Variants in BEND5 observed in about 807,000 individuals in gnomAD.
The protein encoded by BEND5 is BEN domain-containing protein 5.
Under a neutral mutation model 43.9 loss-of-function variants are expected in BEND5, and 22 were observed. The observed-to-expected ratio is 0.50, with a 90% confidence interval of 0.36 to 0.72. The LOEUF is 0.72. Ranked by LOEUF, BEND5 falls within the 30% of genes least tolerant of loss-of-function variation. The pLI is 0.00. For missense variants in BEND5, 428 were observed against 550.6 expected, an observed-to-expected ratio of 0.78 and a Z score of 2.23; for synonymous variants, 228 against 225.9, an observed-to-expected ratio of 1.01 and a Z score of -0.08.
intron 1 of BEND5, among the ~76,000 whole-genome samples, chr1:48,764,840 C>T (rs2148671888): frequency 6.6e-6 from 1 of 152,314 alleles, no homozygotes; most frequent in East Asian, 1.9e-4. Flanking sequence ...GACAAAGGTG[C>T]AGCGGATGAC....
intron 1 of BEND5, among the ~76,000 whole-genome samples, chr1:48,772,402 C>T (rs972706385): frequency 2.0e-5 from 3 of 152,200 alleles, no homozygotes; most frequent in African/African-American, 7.2e-5. Context: ...CTACCTTCCC[C>T]ACCTGTAGGT....
At chr1:48,741,666 C>G (rs1246517782) in intron 4 of BEND5, among the ~76,000 whole-genome samples, 3 of 152,194 alleles carry the variant, frequency 2.0e-5, no homozygotes, top group Non-Finnish European at 2.9e-5. Context: ...CATATCTGGA[C>G]AAACCCAAAT....
At chr1:48,776,285 A>C (rs1254766097) in intron 1 of BEND5, among the ~76,000 whole-genome samples, 1 of 152,254 alleles carries the variant, frequency 6.6e-6, no homozygotes, top group Non-Finnish European at 1.5e-5. Flanking sequence ...ACAGGTAGGG[A>C]GAAAAATGGA....
At chr1:48,734,368 T>A (rs1253711771) in intron 5 of BEND5, among the ~76,000 whole-genome samples, 1 of 152,122 alleles carries the variant, frequency 6.6e-6, no homozygotes, top group Admixed American at 6.5e-5. Context: ...CTTGGGCATA[T>A]TTCTCCACCT....
chr1:48,760,771 C>T (rs1165126118), intron 2 of BEND5, among the ~76,000 whole-genome samples: 1 of 152,124 alleles, frequency 6.6e-6, no homozygotes, highest in Non-Finnish European at 1.5e-5. Context: ...GTATCTACTG[C>T]ACAGAAAAAA....
chr1:48,750,603 A>C (rs1162145054), intron 3 of BEND5, among the ~76,000 whole-genome samples: 1 of 152,186 alleles, frequency 6.6e-6, no homozygotes, highest in African/African-American at 2.4e-5. Flanking sequence ...TAAGGTGGCA[A>C]GGGGGGCTTA....
intron 3 of BEND5, among the ~76,000 whole-genome samples, chr1:48,755,134 T>C (rs1040275291): frequency 2.6e-5 from 4 of 152,184 alleles, no homozygotes; most frequent in African/African-American, 9.7e-5. Flanking sequence ...CTTGCTGCTA[T>C]CCCCCACCCT....
chr1:48,752,105 A>C (rs989241150), intron 3 of BEND5, among the ~76,000 whole-genome samples: 1 of 152,208 alleles, frequency 6.6e-6, no homozygotes, highest in African/African-American at 2.4e-5. Context: ...ACCGGCAGGC[A>C]GACTGTGGGC....
intron 3 of BEND5, among the ~76,000 whole-genome samples, chr1:48,752,169 G>C (rs1651847766): frequency 6.6e-6 from 1 of 152,088 alleles, no homozygotes; most frequent in Admixed American, 6.5e-5. Flanking sequence ...AGACAAAATG[G>C]CTCTTGTCCA....
At chr1:48,749,558 C>A (rs1462351333) in intron 3 of BEND5, among the ~76,000 whole-genome samples, 3 of 152,198 alleles carry the variant, frequency 2.0e-5, no homozygotes, top group Admixed American at 6.5e-5. Flanking sequence ...TACCCCTCCT[C>A]AATGAACTGT....
At chr1:48,734,970 C>T (rs1648786705) in intron 5 of BEND5, among the ~76,000 whole-genome samples, 1 of 152,182 alleles carries the variant, frequency 6.6e-6, no homozygotes, top group East Asian at 1.9e-4. Context: ...CCTGCTGGCT[C>T]GGGTTCCTGG....
At chr1:48,735,672 AGAAAGGAAGCT>A (rs1648928682) in intron 5 of BEND5, among the ~76,000 whole-genome samples, 1 of 152,066 alleles carries the variant, frequency 6.6e-6, no homozygotes, top group Admixed American at 6.5e-5. Context: ...GAAAGGAACC[AGAAAGGAAGCT>A]GAATCTAGTG....
chr1:48,764,632 G>C (rs1471146287), intron 1 of BEND5, among the ~76,000 whole-genome samples: 1 of 152,226 alleles, frequency 6.6e-6, no homozygotes, highest in South Asian at 2.1e-4. Context: ...GGCTCAGTGT[G>C]CAGATGTGGA....
chr1:48,738,382 T>G (rs746470699), intron 4 of BEND5, among the ~76,000 whole-genome samples: 9 of 152,238 alleles, frequency 5.9e-5, no homozygotes, highest in Non-Finnish European at 8.8e-5. Context: ...TCAGGAAAGA[T>G]AAGCAGCCTT....
At chr1:48,732,915 C>T (rs1019052134) in intron 5 of BEND5, among the ~76,000 whole-genome samples, 11 of 152,180 alleles carry the variant, frequency 7.2e-5, no homozygotes, top group African/African-American at 1.4e-4. Context: ...AAATCCCCAG[C>T]GTGCAGAACA....
chr1:48,753,888 C>G (rs11578117), intron 3 of BEND5, among the ~76,000 whole-genome samples: 1 of 152,150 alleles, frequency 6.6e-6, no homozygotes, highest in African/African-American at 2.4e-5. Context: ...TATTCCCTGA[C>G]AAAGCACACA....
chr1:48,744,329 A>G (rs1479920497), intron 3 of BEND5, among the ~76,000 whole-genome samples: 1 of 152,220 alleles, frequency 6.6e-6, no homozygotes, highest in Non-Finnish European at 1.5e-5. Context: ...CAAATACCAA[A>G]GTTTCTTCTC....
chr1:48,747,466 G>A (rs1428832412), intron 3 of BEND5, among the ~76,000 whole-genome samples: 1 of 152,168 alleles, frequency 6.6e-6, no homozygotes, highest in African/African-American at 2.4e-5. Flanking sequence ...CTCTGCAAGA[G>A]GCACTGGGGA....
intron 3 of BEND5, among the ~76,000 whole-genome samples, chr1:48,754,617 C>T (rs571492752): frequency 1.3e-5 from 2 of 152,202 alleles, no homozygotes; most frequent in Admixed American, 1.3e-4. Context: ...TGAACACTTA[C>T]AATATGGGGG....
Sources: gnomAD v4.1 joint callset for allele counts (sites outside exome capture counted in the v4.1 genomes callset) on GRCh38, gnomAD v4.1.1 for gene constraint, MANE v1.5 for transcripts, NCBI Gene and HGNC (gene_info 2026-07-23, HGNC 2026-07-21) for gene names.